The following C17orf67 variants were observed in gnomAD, a reference collection of about 807,000 sequenced individuals.
C17orf67 encodes the protein uncharacterized protein C17orf67.
A neutral mutation model predicts 11.2 loss-of-function variants in C17orf67; 12 were observed. The observed-to-expected ratio is 1.07, with a 90% CI of 0.68 to 1.73. The LOEUF is 1.73. Among genes scored for constraint, C17orf67 ranks in the 40% most tolerant of loss-of-function variants. The pLI is 0.00. For missense variants in C17orf67, 115 were observed against 113.5 expected (o/e 1.01, Z -0.06); for synonymous variants, 59 against 46.9 (o/e 1.26, Z -1.05).
chr17:56,827,932 C>G (rs1229825297), intron 2 of C17orf67, among the ~76,000 whole-genome samples: 1 of 152,114 alleles, frequency 6.6e-6, no homozygotes, highest in Non-Finnish European at 1.5e-5. Context: ...CTGGGCCGGT[C>G]GCAGTGGCTC....
chr17:56,796,890 G>T (rs1905224524), intron 6 of C17orf67, among the ~76,000 whole-genome samples: 1 of 146,468 alleles, frequency 6.8e-6, no homozygotes, highest in Admixed American at 6.8e-5. Context: ...GCCCACCAGG[G>T]CCACCTTCCT....
intron 4 of C17orf67, among the ~76,000 whole-genome samples, chr17:56,818,637 C>T (rs141565333): frequency 1.6e-4 from 25 of 151,958 alleles, no homozygotes; most frequent in Admixed American, 8.5e-4. Flanking sequence ...TTTTCAGTAG[C>T]CACTTTTTTT....
intron 2 of C17orf67, among the ~76,000 whole-genome samples, chr17:56,831,908 T>C (rs1029811791): frequency 3.9e-5 from 6 of 152,166 alleles, no homozygotes; most frequent in African/African-American, 9.7e-5. Flanking sequence ...ATCGGGTCCA[T>C]CCTTCCCCCT....
At chr17:56,807,213 A>G (rs1905473535) in intron 6 of C17orf67, among the ~76,000 whole-genome samples, 1 of 152,196 alleles carries the variant, frequency 6.6e-6, no homozygotes, top group Non-Finnish European at 1.5e-5. Flanking sequence ...TAGCAGCGGG[A>G]GCCACCAAGT....
In C17orf67 at chr17:56,825,898, T is replaced by A. The variant is rs185060818; in HGVS notation, c.-556-577A>T. ...AGAGATGGTGATTCTTTTCTTCCTT[T>A]TTACTTTTTCAAATACTCTATAATG... On this transcript the variant is annotated intron_variant, in intron 2 of 7. Transcript: ENST00000397861. 2.3e-3 allele frequency among the ~76,000 whole-genome samples: 349 copies of A among 152,284 alleles called. 1 individual carries two copies. Among genetic ancestry groups the A allele is most frequent in the Middle Eastern group, 0.02 (6 of 294 alleles).
At chr17:56,798,233 G>C (rs1250135414) in intron 6 of C17orf67, among the ~76,000 whole-genome samples, 2 of 152,144 alleles carry the variant, frequency 1.3e-5, no homozygotes, top group Non-Finnish European at 2.9e-5. Flanking sequence ...CTAGACCCCT[G>C]CCACAACCTC....
At chr17:56,819,584 G>A (rs867429879) in intron 4 of C17orf67, among the ~76,000 whole-genome samples, 1 of 152,160 alleles carries the variant, frequency 6.6e-6, no homozygotes, top group Admixed American at 6.5e-5. Flanking sequence ...TGCAAGTCTC[G>A]GGTGGGGAGG....
chr17:56,821,527 C>G (rs1227984232), intron 4 of C17orf67, among the ~76,000 whole-genome samples: 1 of 152,188 alleles, frequency 6.6e-6, no homozygotes, highest in South Asian at 2.1e-4. Flanking sequence ...ATCTAGGCCA[C>G]TGTTATCTCT....
chr17:56,805,488 T>TACC (rs1567794564), intron 6 of C17orf67, among the ~76,000 whole-genome samples: 1 of 152,220 alleles, frequency 6.6e-6, no homozygotes. Context: ...CAATTCAAGA[T>TACC]ACCATAATCA....
intron 4 of C17orf67, among the ~76,000 whole-genome samples, chr17:56,817,856 A>AT (rs11412722): frequency 0.5 from 74,646 of 149,018 alleles, 19,272 homozygotes; most frequent in East Asian, 0.82. Flanking sequence ...ATTTTAGAGC[A>AT]TTTTTTTTTT....
rs947280477 is a variant in C17orf67, at chr17:56,828,945, T to C, written c.-556-3624A>G. 2.0e-5 allele frequency among the ~76,000 whole-genome samples: 3 copies of C among 151,956 alleles called. No individual in the cohort carries two copies. The East Asian group carries it at 5.8e-4, about 29-fold the overall frequency. On this transcript the variant is annotated intron_variant, in intron 2 of 7. Transcript: ENST00000397861. ...ATTTAAACATCCCCAGTTTTGTAGA[T>C]GCTTATAAGGTGAACAGCACCAACG...
At chr17:56,794,947 C>G in intron 7 of C17orf67, 97 bp downstream of exon 7, 1 of 793,590 alleles carries the variant, frequency 1.3e-6, no homozygotes. Context: ...AACCAGCTGG[C>G]CCCCCTGAGG....
intron 6 of C17orf67, among the ~76,000 whole-genome samples, chr17:56,799,149 G>A (rs1007234749): frequency 4.6e-5 from 7 of 152,266 alleles, no homozygotes; most frequent in African/African-American, 1.4e-4. Flanking sequence ...TGATGGGGCC[G>A]AACAAACCAC....
At chr17:56,802,424 C>T (rs1905345370) in intron 6 of C17orf67, among the ~76,000 whole-genome samples, 1 of 152,214 alleles carries the variant, frequency 6.6e-6, no homozygotes, top group Non-Finnish European at 1.5e-5. Context: ...GCATCCCTCT[C>T]CTGAAGGCCA....
chr17:56,799,996 GA>G (rs1167849548), intron 6 of C17orf67, among the ~76,000 whole-genome samples: 2 of 106,896 alleles, frequency 1.9e-5, no homozygotes, highest in East Asian at 5.9e-4. Context: ...AAAAAAAAAA[GA>G]AAGTTATAAA....
At chr17:56,794,566 T>A (rs553620274) in intron 7 of C17orf67, among the ~76,000 whole-genome samples, 5 of 151,550 alleles carry the variant, frequency 3.3e-5, no homozygotes, top group Non-Finnish European at 7.4e-5. Context: ...AGACAGAGGG[T>A]GGGCTGGGCA....
At chr17:56,810,148 C>G (rs1019665895) in intron 6 of C17orf67, among the ~76,000 whole-genome samples, 1 of 57,584 alleles carries the variant, frequency 1.7e-5, no homozygotes, top group Admixed American at 1.8e-4. Context: ...CTCACGCACA[C>G]CCCTCACACC....
intron 4 of C17orf67, among the ~76,000 whole-genome samples, chr17:56,818,899 A>G (rs1332661038): frequency 6.6e-6 from 1 of 152,128 alleles, no homozygotes; most frequent in Non-Finnish European, 1.5e-5. Context: ...GCCACCACCC[A>G]AGTCTAGGCC....
chr17:56,831,919 A>G (rs1367606522), intron 2 of C17orf67, among the ~76,000 whole-genome samples: 2 of 151,968 alleles, frequency 1.3e-5, no homozygotes, highest in African/African-American at 2.4e-5. Flanking sequence ...CCTTCCCCCT[A>G]TATCAAAACG....
Sources: gnomAD v4.1 joint callset for allele counts (sites outside exome capture counted in the v4.1 genomes callset) on GRCh38, gnomAD v4.1.1 for gene constraint, MANE v1.5 for transcripts, NCBI Gene and HGNC (gene_info 2026-07-23, HGNC 2026-07-21) for gene names.